Variants in ITSN1 observed in about 807,000 individuals in gnomAD.
ITSN1 encodes the protein intersectin 1.
A neutral mutation model predicts 239.8 loss-of-function variants in ITSN1; 58 were observed. The ratio of observed to expected loss-of-function variants is 0.24; its 90% CI spans 0.20 to 0.30. ITSN1 has a LOEUF of 0.30. Ranked by LOEUF, ITSN1 falls within the 10% of genes least tolerant of loss-of-function variation. The probability of loss-of-function intolerance (pLI) is 1.00; values close to 1 mark genes in which losing one functional copy is unlikely to be tolerated. For synonymous variants in ITSN1, 780 were observed against 770.8 expected, an observed-to-expected ratio of 1.01 and a Z score of -0.20; for missense variants, 1,558 against 2,103.3, an observed-to-expected ratio of 0.74 and a Z score of 5.07.
intron 19 of ITSN1, 35 bp downstream of exon 19, chr21:33,799,964 T>G (rs2071853858): frequency 1.0e-5 from 16 of 1,603,412 alleles, no homozygotes; most frequent in Non-Finnish European, 1.4e-5. Flanking sequence ...TCATTTCTGT[T>G]GAAGATTAGC....
intron 1 of ITSN1, among the ~76,000 whole-genome samples, chr21:33,700,236 C>G (rs1320708976): frequency 6.6e-6 from 1 of 152,064 alleles, no homozygotes; most frequent in Non-Finnish European, 1.5e-5. Flanking sequence ...AGGTGCCCAC[C>G]ACCATGCCTG....
chr21:33,739,684 C>CTAGGGGA (rs1420856457), intron 5 of ITSN1, among the ~76,000 whole-genome samples: 1 of 152,126 alleles, frequency 6.6e-6, no homozygotes, highest in Non-Finnish European at 1.5e-5. Context: ...ATGTGAAGAC[C>CTAGGGGA]TAGGGGAGAG....
chr21:33,664,979 A>G (rs2089829875), intron 1 of ITSN1, among the ~76,000 whole-genome samples: 1 of 148,364 alleles, frequency 6.7e-6, no homozygotes, highest in African/African-American at 2.5e-5. Flanking sequence ...ATTAGACATA[A>G]CGTGGCCAGG....
Position 33,819,282 on chromosome 21 carries a change from G to T in ITSN1, c.2975G>T (p.Arg992Leu). 6.2e-7 allele frequency: 1 copy of T among 1,614,062 alleles called. No homozygotes were observed. The highest frequency in any genetic ancestry group is 8.5e-7 in the Non-Finnish European group (1 of 1,179,926). The change falls in exon 24 of 40, where the codon CGA becomes CTA. Residue 992 changes from arginine to leucine, a missense_variant. Transcript: ENST00000381318. ...GSSESPASLKRVASPAAKPVV... is the reference protein window; with the variant it reads ...GSSESPASLKLVASPAAKPVV... ...TCAGAGAGTCCTGCTAGTCTAAAGC[G>T]AGTAGCCTCTCCAGCAGCCAAGCCG...
chr21:33,849,102 G>A lies in ITSN1; in HGVS notation c.3662-7634G>A, dbSNP rs188037093. Among the ~76,000 whole-genome samples, 15 of 152,156 alleles carry A rather than the reference G, an allele frequency of 9.9e-5. No individual in the cohort carries two copies. The East Asian group carries it at 1.2e-3, about 12-fold the overall frequency. On this transcript the variant is annotated intron_variant, in intron 29 of 39. Transcript: ENST00000381318. ...CTAAAAATACAAAAATTAGCTGGGC[G>A]TGGTGGCATGTGCTTGTCCCAGCTA... is the stretch of plus-strand genomic sequence containing the variant.
chr21:33,736,459 A>T (rs867664761), intron 5 of ITSN1, among the ~76,000 whole-genome samples: 2 of 152,224 alleles, frequency 1.3e-5, no homozygotes, highest in Non-Finnish European at 2.9e-5. Flanking sequence ...TTAGGCAAAT[A>T]GGATAGTGGT....
chr21:33,772,991 T>C (rs1327698336), intron 12 of ITSN1, among the ~76,000 whole-genome samples: 1 of 151,562 alleles, frequency 6.6e-6, no homozygotes, highest in Non-Finnish European at 1.5e-5. Context: ...TACATTGTTC[T>C]GCAATCTTCT....
intron 29 of ITSN1, among the ~76,000 whole-genome samples, chr21:33,848,056 A>C (rs1217289261): frequency 6.6e-6 from 1 of 152,204 alleles, no homozygotes; most frequent in Non-Finnish European, 1.5e-5. Context: ...CAGCTGCCGC[A>C]CTGATCCCCT....
intron 4 of ITSN1, among the ~76,000 whole-genome samples, chr21:33,725,103 TTAA>T (rs2065740614): frequency 6.9e-6 from 1 of 143,940 alleles, no homozygotes; most frequent in Non-Finnish European, 1.5e-5. Flanking sequence ...GCCCTCATCT[TTAA>T]AAAAAAAAAA....
At chr21:33,650,711 A>G (rs2088439954) in intron 1 of ITSN1, among the ~76,000 whole-genome samples, 1 of 152,222 alleles carries the variant, frequency 6.6e-6, no homozygotes, top group Admixed American at 6.5e-5. Context: ...GATGAATGAA[A>G]GCTATATAGC....
intron 1 of ITSN1, among the ~76,000 whole-genome samples, chr21:33,676,327 A>G (rs1027954591): frequency 1.3e-5 from 2 of 152,108 alleles, no homozygotes; most frequent in Non-Finnish European, 2.9e-5. Context: ...GTCAAATGAG[A>G]ACATCCCCTG....
intron 10 of ITSN1, among the ~76,000 whole-genome samples, chr21:33,766,934 G>C (rs747807054): frequency 2.9e-4 from 44 of 152,214 alleles, no homozygotes; most frequent in Non-Finnish European, 5.4e-4. Context: ...TTGGGAGGCC[G>C]AGGCGGGTGG....
intron 4 of ITSN1, among the ~76,000 whole-genome samples, chr21:33,727,305 G>A (rs1012412060): frequency 6.6e-6 from 1 of 152,100 alleles, no homozygotes; most frequent in East Asian, 1.9e-4. Flanking sequence ...GAGCCAGAAG[G>A]TACAGGAAGG....
In ITSN1 at chr21:33,811,225, A is replaced by G; in HGVS notation, c.2567+3A>G. 1 of 1,575,088 alleles carries G rather than the reference A, an allele frequency of 6.3e-7. No homozygotes were observed. On this transcript the variant is annotated splice_donor_region_variant and intron_variant, in intron 21 of 39. Coordinates refer to ENST00000381318, the MANE Select transcript of ITSN1 (RefSeq NM_003024.3). Reference sequence around the variant, plus strand: ...AACTGGGCCGACTTCAGCTCCACGTACGTGTTGGTGGGCTCTTTCTGATGA... The same window carrying G: ...AACTGGGCCGACTTCAGCTCCACGTGCGTGTTGGTGGGCTCTTTCTGATGA...
chr21:33,844,944 TCTC>T (rs2074945684), intron 29 of ITSN1, among the ~76,000 whole-genome samples: 1 of 151,738 alleles, frequency 6.6e-6, no homozygotes, highest in Admixed American at 6.6e-5. Flanking sequence ...CATCCTGTCT[TCTC>T]CTCTCCCCGC....
At chr21:33,731,428 T>G (rs2147216061) in intron 4 of ITSN1, among the ~76,000 whole-genome samples, 1 of 152,340 alleles carries the variant, frequency 6.6e-6, no homozygotes, top group Non-Finnish European at 1.5e-5. Context: ...GCGTATCTTT[T>G]AAAAAACTAC....
intron 17 of ITSN1, among the ~76,000 whole-genome samples, chr21:33,796,346 C>T (rs1053099388): frequency 2.0e-5 from 3 of 152,054 alleles, no homozygotes; most frequent in Admixed American, 2.0e-4. Flanking sequence ...TTTATACTTT[C>T]TTAAAAGACA....
intron 5 of ITSN1, among the ~76,000 whole-genome samples, chr21:33,744,059 A>G (rs570868488): frequency 6.6e-6 from 1 of 152,368 alleles, no homozygotes; most frequent in Non-Finnish European, 1.5e-5. Context: ...CTAAATATAT[A>G]GTTAGCTGTA....
chr21:33,884,899 TA>T (rs1602720398), intron 36 of ITSN1, 141 bp from the exon 37 acceptor site: 5 of 647,606 alleles, frequency 7.7e-6, no homozygotes, highest in Non-Finnish European at 1.4e-5. Flanking sequence ...TCACGTGACA[TA>T]AAATCAGATT....
Sources: allele counts gnomAD v4.1 joint callset (sites outside exome capture counted in the v4.1 genomes callset), GRCh38; gene constraint gnomAD v4.1.1; transcripts MANE v1.5; gene names NCBI Gene and HGNC (gene_info 2026-07-23, HGNC 2026-07-21).